The following ORC3 variants were observed in gnomAD, a reference collection of about 807,000 sequenced individuals.
ORC3 encodes homolog of latheo, Drosophila.
ORC3 carries 78 observed loss-of-function variants against 100.7 expected under a neutral mutation model. The ratio of observed to expected loss-of-function variants is 0.77; its 90% confidence interval spans 0.65 to 0.94. ORC3 has a LOEUF of 0.94. Among genes scored for constraint, ORC3 ranks in the 40% least tolerant of loss-of-function variants. The pLI, the probability that ORC3 is intolerant of heterozygous loss-of-function variation, is 0.00. For missense variants in ORC3, 789 were observed against 823.9 expected (o/e 0.96, Z 0.52); for synonymous variants, 295 against 289.3 (o/e 1.02, Z -0.20).
the ORC3 span, among the ~76,000 whole-genome samples, chr6:87,672,486 G>C: frequency 6.6e-6 from 1 of 152,184 alleles, no homozygotes; most frequent in African/African-American, 2.4e-5. Context: ...CAAGAGAATT[G>C]TGGGAGCCAT....
intron 18 of ORC3, among the ~76,000 whole-genome samples, 188 bp downstream of exon 18, chr6:87,665,047 C>T (rs1166608535): frequency 6.6e-6 from 1 of 152,204 alleles, no homozygotes; most frequent in Non-Finnish European, 1.5e-5. Context: ...ACAGTCCCCA[C>T]TCCCAATCCC....
Position 87,659,650 on chromosome 6 carries a change from G to A in ORC3, c.1691+1632G>A, listed in dbSNP as rs564146141. Among the ~76,000 whole-genome samples, 3 of 152,146 alleles carry A rather than the reference G, an allele frequency of 2.0e-5. No individual in the cohort carries two copies. The East Asian group carries it at 5.9e-4, about 30-fold the overall frequency. On this transcript the variant is annotated intron_variant, in intron 16 of 19. Transcript: ENST00000392844. ...TAATCCCAGCATCTTGGGAGGCCAA[G>A]GTGGGCAGATCACTTGAGGACAGGA...
At chr6:87,627,191 G>T (rs903254870) in intron 11 of ORC3, among the ~76,000 whole-genome samples, 3 of 149,644 alleles carry the variant, frequency 2.0e-5, no homozygotes, top group African/African-American at 2.5e-5. Context: ...TAGAGACAGG[G>T]TTTCACCATG....
At chr6:87,664,575 A>C (rs1421718684) in intron 17 of ORC3, among the ~76,000 whole-genome samples, 168 bp from the exon 18 acceptor site, 1 of 152,186 alleles carries the variant, frequency 6.6e-6, no homozygotes, top group Non-Finnish European at 1.5e-5. Flanking sequence ...CAAGACATAA[A>C]CCTAAACAAG....
intron 11 of ORC3, among the ~76,000 whole-genome samples, chr6:87,628,591 C>T (rs1464758593): frequency 6.6e-6 from 1 of 152,120 alleles, no homozygotes; most frequent in Non-Finnish European, 1.5e-5. Flanking sequence ...AGAAATAAAC[C>T]TTGAACTCCT....
rs1296312671 is a variant in ORC3 at position 87,612,075 on chromosome 6, T to C, written c.714-14T>C. The stretch of plus-strand genomic sequence containing the variant: ...TAAATAAATTTCACTTTTGTGTCTG[T>C]CTTTCAAAACTAGTCAACATCTCCA... On this transcript the variant is annotated splice_polypyrimidine_tract_variant and intron_variant, in intron 7 of 19. Coordinates refer to ENST00000392844, the MANE Select transcript of ORC3 (RefSeq NM_012381.4). 2 of 1,603,976 alleles carry C rather than the reference T, an allele frequency of 1.2e-6. No homozygotes were observed. Among genetic ancestry groups the C allele is most frequent in the Middle Eastern group, 1.7e-4 (1 of 6,020 alleles).
At chr6:87,673,395 T>C in the ORC3 span, among the ~76,000 whole-genome samples, 1 of 151,956 alleles carries the variant, frequency 6.6e-6, no homozygotes, top group Non-Finnish European at 1.5e-5. Context: ...TTATCACAAT[T>C]GTGGGAGGGG....
chr6:87,632,896 C>A (rs1767532809), intron 11 of ORC3, among the ~76,000 whole-genome samples: 1 of 152,076 alleles, frequency 6.6e-6, no homozygotes, highest in African/African-American at 2.4e-5. Flanking sequence ...TTTTTAAACA[C>A]TAGAACTCTA....
chr6:87,622,344 G>T (rs1398424413), intron 11 of ORC3, among the ~76,000 whole-genome samples: 13 of 152,182 alleles, frequency 8.5e-5, no homozygotes, highest in Non-Finnish European at 1.8e-4. Context: ...CAATTTCGTT[G>T]TAATGTTCTT....
the ORC3 span, among the ~76,000 whole-genome samples, chr6:87,672,733 C>T: frequency 6.6e-6 from 1 of 152,272 alleles, no homozygotes; most frequent in South Asian, 2.1e-4. Flanking sequence ...GAACCTTCTA[C>T]CATTTTCTTT....
chr6:87,616,165 A>G, intron 8 of ORC3, 149 bp from the exon 9 acceptor site: 1 of 404,690 alleles, frequency 2.5e-6, no homozygotes. Flanking sequence ...ATTTTTGTTG[A>G]CATTTGAGCT....
intron 11 of ORC3, among the ~76,000 whole-genome samples, chr6:87,631,095 A>C (rs1767373768): frequency 7.3e-6 from 1 of 136,104 alleles, no homozygotes; most frequent in South Asian, 2.3e-4. Context: ...GTTGCTCACT[A>C]TCAAGCTGGT....
At chr6:87,635,065 T>C (rs1343780350) in intron 12 of ORC3, 104 bp downstream of exon 12, 1 of 764,742 alleles carries the variant, frequency 1.3e-6, no homozygotes, top group Non-Finnish European at 2.4e-6. Flanking sequence ...ATGAAGCCAA[T>C]CCTTACAATG....
chr6:87,610,465 C>G (rs146337029), intron 7 of ORC3, among the ~76,000 whole-genome samples: 2,074 of 152,202 alleles, frequency 0.014, 21 homozygotes, highest in Non-Finnish European at 0.022. Flanking sequence ...TTCCTTAGTG[C>G]TCTTTGGGGC....
chr6:87,643,370 A>G (rs1045002812), intron 13 of ORC3, among the ~76,000 whole-genome samples: 3 of 151,972 alleles, frequency 2.0e-5, no homozygotes, highest in Non-Finnish European at 4.4e-5. Flanking sequence ...TGACCCAGGA[A>G]CTATACTTTG....
chr6:87,668,227 A>G (rs942799520), downstream of ORC3, among the ~76,000 whole-genome samples: 1 of 152,218 alleles, frequency 6.6e-6, no homozygotes, highest in South Asian at 2.1e-4. Context: ...ATGGGGGGAA[A>G]GTCCATGTCC....
chr6:87,669,299 G>C (rs1021001658), downstream of ORC3, among the ~76,000 whole-genome samples: 5 of 152,250 alleles, frequency 3.3e-5, no homozygotes, highest in Admixed American at 1.3e-4. Context: ...GCCCTGCAGA[G>C]CTTTGGGAAA....
chr6:87,598,727 A>C (rs1777655859), intron 2 of ORC3, among the ~76,000 whole-genome samples: 1 of 151,394 alleles, frequency 6.6e-6, no homozygotes, highest in Non-Finnish European at 1.5e-5. Flanking sequence ...ATCTTTGAGG[A>C]ATTGACCCTG....
intron 2 of ORC3, among the ~76,000 whole-genome samples, chr6:87,596,254 C>G (rs1184266067): frequency 6.6e-6 from 1 of 151,670 alleles, no homozygotes; most frequent in South Asian, 2.1e-4. Flanking sequence ...CTGCCTCAGT[C>G]TCCCGAGTAG....
Sources: gnomAD v4.1 joint callset for allele counts (sites outside exome capture counted in the v4.1 genomes callset) on GRCh38, gnomAD v4.1.1 for gene constraint, MANE v1.5 for transcripts, NCBI Gene and HGNC (gene_info 2026-07-23, HGNC 2026-07-21) for gene names.